ACCSL: variants seen among roughly 807,000 people sequenced by gnomAD.
ACCSL encodes probable inactive 1-aminocyclopropane-1-carboxylate synthase-like protein 2.
Under a neutral mutation model 61.7 loss-of-function variants are expected in ACCSL, and 55 were observed. That is an observed-to-expected ratio of 0.89 (90% CI 0.72 to 1.12). The LOEUF (loss-of-function observed/expected upper bound fraction) is 1.12, where lower values mean the gene tolerates loss of function less well. Ranked by LOEUF, ACCSL falls within the 50% of genes most tolerant of loss-of-function variation. The pLI is 0.00. For missense variants in ACCSL, 632 were observed against 698.0 expected, an observed-to-expected ratio of 0.91 and a Z score of 1.07; for synonymous variants, 258 against 264.3, an observed-to-expected ratio of 0.98 and a Z score of 0.23.
the ACCSL span, among the ~76,000 whole-genome samples, chr11:43,940,905 C>T: frequency 1.3e-5 from 2 of 152,202 alleles, no homozygotes; most frequent in Non-Finnish European, 2.9e-5. Flanking sequence ...TGTAGTGGCT[C>T]AGGAGCCACG....
At chr11:43,979,509 C>T in the ACCSL span, among the ~76,000 whole-genome samples, 1 of 152,088 alleles carries the variant, frequency 6.6e-6, no homozygotes, top group Admixed American at 6.5e-5. Context: ...CTAAGGTGTC[C>T]TTCGTTTGAT....
chr11:44,033,412 C>A, the ACCSL span, among the ~76,000 whole-genome samples: 6 of 152,146 alleles, frequency 3.9e-5, no homozygotes, highest in Non-Finnish European at 5.9e-5. Flanking sequence ...GGAATCCTGG[C>A]AAACAGGCCC....
At chr11:43,959,314 C>T in the ACCSL span, among the ~76,000 whole-genome samples, 4 of 152,244 alleles carry the variant, frequency 2.6e-5, no homozygotes, top group East Asian at 7.7e-4. Flanking sequence ...CTGACGTTGA[C>T]CAAGCAGGAG....
chr11:43,936,715 C>A, the ACCSL span, among the ~76,000 whole-genome samples: 3 of 150,416 alleles, frequency 2.0e-5, no homozygotes, highest in African/African-American at 7.4e-5. Context: ...GCTCCTTGGG[C>A]AGGGAAGGGC....
At chr11:44,005,715 C>A in the ACCSL span, among the ~76,000 whole-genome samples, 3 of 152,150 alleles carry the variant, frequency 2.0e-5, no homozygotes, top group Non-Finnish European at 4.4e-5. Flanking sequence ...GAACCTCCTC[C>A]CCCGCCCTCT....
the ACCSL span, among the ~76,000 whole-genome samples, chr11:43,995,829 G>A: frequency 3.9e-5 from 6 of 152,188 alleles, no homozygotes; most frequent in African/African-American, 1.4e-4. Context: ...TTCCCCTAAA[G>A]AGCCATGTAT....
chr11:44,053,628 C>G lies in ACCSL; in HGVS notation c.1049+122C>G, dbSNP rs567215799. 1.3e-5 allele frequency: 11 copies of G among 849,898 alleles called. No individual in the cohort carries two copies. The East Asian group carries it at 2.4e-4, about 19-fold the overall frequency. The allele number at this position is 849,898 out of a possible 1,614,324, so 52.6% of individuals were successfully genotyped here. Reference sequence around the variant, plus strand: ...CTGTAATCCCAGCACTTTGGGAGGCCGAGAAGGTGGATCACTTGAGGTCAG... The same window carrying G: ...CTGTAATCCCAGCACTTTGGGAGGCGGAGAAGGTGGATCACTTGAGGTCAG... On this transcript the variant is annotated intron_variant, in intron 8 of 13. Transcript: ENST00000378832.
the ACCSL span, among the ~76,000 whole-genome samples, chr11:43,985,476 A>G: frequency 6.6e-6 from 1 of 152,126 alleles, no homozygotes; most frequent in Non-Finnish European, 1.5e-5. Flanking sequence ...CTTCCTTCTC[A>G]GTCTGCACAG....
At chr11:43,931,212 C>T in the ACCSL span, among the ~76,000 whole-genome samples, 67,979 of 152,154 alleles carry the variant, frequency 0.45, 15,843 homozygotes, top group Middle Eastern at 0.6. Context: ...GTCTGAGCAG[C>T]GTGAGGCCTT....
At chr11:43,943,207 G>A in the ACCSL span, 38 of 1,526,174 alleles carry the variant, frequency 2.5e-5, no homozygotes, top group Non-Finnish European at 3.3e-5. The surrounding 1 kb of genome is among the most constrained non-coding windows in gnomAD (Gnocchi z 4.8). Context: ...CGCTGCAGCG[G>A]GAGCAGCTCA....
the ACCSL span, among the ~76,000 whole-genome samples, chr11:44,010,063 G>A: frequency 6.6e-6 from 1 of 152,224 alleles, no homozygotes; most frequent in Non-Finnish European, 1.5e-5. Context: ...CCTCTCAGCT[G>A]TGTGCAATGG....
chr11:43,931,169 C>G, the ACCSL span, among the ~76,000 whole-genome samples: 1 of 152,220 alleles, frequency 6.6e-6, no homozygotes, highest in South Asian at 2.1e-4. Context: ...TGGTCATGAG[C>G]CCAGCTGCTG....
At chr11:43,979,413 C>T in the ACCSL span, among the ~76,000 whole-genome samples, 36 of 152,270 alleles carry the variant, frequency 2.4e-4, no homozygotes, top group African/African-American at 8.7e-4. Context: ...TTGCATGGAG[C>T]TTGGGAGATG....
chr11:43,974,115 A>C, the ACCSL span: 5 of 152,358 alleles, frequency 3.3e-5, no homozygotes, highest in African/African-American at 1.2e-4. Flanking sequence ...AATGACTGTC[A>C]TGAGATTCCA....
At chr11:43,959,092 G>C in the ACCSL span, among the ~76,000 whole-genome samples, 4 of 152,010 alleles carry the variant, frequency 2.6e-5, no homozygotes, top group Non-Finnish European at 4.4e-5. Context: ...ATTCCCAAAG[G>C]CCTCCCCTTT....
chr11:43,949,151 G>A, the ACCSL span, among the ~76,000 whole-genome samples: 1 of 152,124 alleles, frequency 6.6e-6, no homozygotes, highest in Non-Finnish European at 1.5e-5. Context: ...TCAGATCCTC[G>A]CACATTTCAT....
chr11:43,980,916 T>C, the ACCSL span, among the ~76,000 whole-genome samples: 2 of 143,526 alleles, frequency 1.4e-5, no homozygotes, highest in Non-Finnish European at 3.2e-5. Context: ...GTCACCTGGA[T>C]AGTAGAGGGG....
the ACCSL span, among the ~76,000 whole-genome samples, chr11:44,010,263 C>G: frequency 6.6e-6 from 1 of 152,164 alleles, no homozygotes; most frequent in African/African-American, 2.4e-5. Context: ...TTGCTTGAAT[C>G]TGGGAGGCGG....
chr11:43,963,717 A>T, the ACCSL span, among the ~76,000 whole-genome samples: 1 of 152,202 alleles, frequency 6.6e-6, no homozygotes, highest in Non-Finnish European at 1.5e-5. Context: ...CCCCCATGCG[A>T]AGTGAATTCA....
Sources: allele counts gnomAD v4.1 joint callset (sites outside exome capture counted in the v4.1 genomes callset), GRCh38; gene constraint gnomAD v4.1.1; non-coding constraint Gnocchi (gnomAD v3.1); transcripts MANE v1.5; gene names NCBI Gene and HGNC (gene_info 2026-07-23, HGNC 2026-07-21).